Variants in MIA3 observed in about 807,000 individuals in gnomAD.
MIA3 encodes MIA SH3 domain ER export factor 3.
A neutral mutation model predicts 192.4 loss-of-function variants in MIA3; 90 were observed. The observed-to-expected ratio is 0.47, with a 90% CI of 0.39 to 0.56. The LOEUF is 0.56. Among genes scored for constraint, MIA3 ranks in the 20% least tolerant of loss-of-function variants. MIA3 has a pLI of 0.00. For missense variants in MIA3, 2,123 were observed against 2,269.4 expected, an observed-to-expected ratio of 0.94 and a Z score of 1.31; for synonymous variants, 740 against 792.8, an observed-to-expected ratio of 0.93 and a Z score of 1.12.
At chr1:222,619,488 G>C (rs936495706) in intron 1 of MIA3, among the ~76,000 whole-genome samples, 1 of 152,232 alleles carries the variant, frequency 6.6e-6, no homozygotes, top group Non-Finnish European at 1.5e-5. Flanking sequence ...GATCTCTAAT[G>C]AGTGTGAAGC....
rs549298645 is a variant in MIA3, at chr1:222,625,946, C to T, written c.354+1092C>T. Among the ~76,000 whole-genome samples, 4 of 152,190 alleles carry T rather than the reference C, an allele frequency of 2.6e-5. No individual in the cohort carries two copies. The South Asian group carries it at 8.3e-4, about 32-fold the overall frequency. ...TAGGAACGAGGTTTCACCGTGTTGG[C>T]CAGGCTGGTCTCAAACTCCTGACCT... is the stretch of plus-strand genomic sequence containing the variant. On this transcript the variant is annotated intron_variant, in intron 3 of 27. Transcript: ENST00000344922.
rs2124903591 is a variant in MIA3 at position 222,650,722 on chromosome 1, C to T, written c.3798+11C>T. 1.3e-6 allele frequency: 2 copies of T among 1,578,938 alleles called. No homozygotes were observed. Among genetic ancestry groups the T allele is most frequent in the Middle Eastern group, 3.4e-4 (2 of 5,918 alleles). On this transcript the variant is annotated intron_variant, in intron 10 of 27. Coordinates refer to ENST00000344922, the MANE Select transcript of MIA3 (RefSeq NM_198551.4). ...GCAATTAAATATAAGGTAAAAACTTCTTTTGGGGATTACATTTTAAAACAA... is the reference window on the plus strand; with the variant it reads ...GCAATTAAATATAAGGTAAAAACTTTTTTTGGGGATTACATTTTAAAACAA...
chr1:222,636,545 C>T (rs1662633909), intron 6 of MIA3, among the ~76,000 whole-genome samples: 1 of 123,520 alleles, frequency 8.1e-6, no homozygotes, highest in African/African-American at 3.0e-5. Flanking sequence ...TAGAGTCTTG[C>T]TCTGTTGCCC....
In MIA3 at chr1:222,650,991, T is replaced by C. The variant is rs1187655339; in HGVS notation, c.3909+88T>C. On this transcript the variant is annotated intron_variant, in intron 11 of 27. Transcript: ENST00000344922. ...TTGAACTCTTTATTTTCCATGCTGT[T>C]ATGTGAAGTAAGAGTGCGAGTCAGG... 3.9e-6 allele frequency: 3 copies of C among 767,984 alleles called. No individual in the cohort carries two copies. In the Admixed American group the frequency reaches 8.7e-5, roughly 22 times the overall value. 47.6% of individuals were successfully genotyped at this position (767,984 alleles called of 1,614,324 possible). A position where few individuals can be genotyped will look rare whatever the true frequency, so the allele number is the denominator to read the frequency against.
chr1:222,660,196 C>G lies in MIA3; in HGVS notation c.4995C>G (p.Gly1665=), dbSNP rs2291835. The part of the protein sequence containing the change: ...PPRRGPLSQN[G]SFGPSPVSGG... ...CTTTAGGTCCTCTGAGCCAGAATGGCTCTTTTGGCCCATCCCCTGTGAGTG... is the reference window on the plus strand; with the variant it reads ...CTTTAGGTCCTCTGAGCCAGAATGGGTCTTTTGGCCCATCCCCTGTGAGTG... The change falls in exon 24 of 28, where the codon GGC becomes GGG. Residue 1665 remains glycine (G), a synonymous_variant. Transcript: ENST00000344922. The G allele has an allele frequency of 0.17, 279,261 of 1,611,862 alleles. 25,589 individuals carry two copies. Among genetic ancestry groups the G allele is most frequent in the Middle Eastern group, 0.22 (1,312 of 6,044 alleles).
chr1:222,653,003 T>G lies in MIA3; in HGVS notation c.4087-5T>G. Reference sequence around the variant, plus strand: ...CTGTGGGAATCATGTGTTTTAACTTTGCAGTTGCAGCAGGAAATCGAAGAC... The same window carrying G: ...CTGTGGGAATCATGTGTTTTAACTTGGCAGTTGCAGCAGGAAATCGAAGAC... On this transcript the variant is annotated splice_polypyrimidine_tract_variant and splice_region_variant and intron_variant, in intron 13 of 27. Coordinates refer to ENST00000344922, the MANE Select transcript of MIA3 (RefSeq NM_198551.4). 6.2e-7 allele frequency: 1 copy of G among 1,608,976 alleles called. No individual in the cohort carries two copies. The highest frequency in any genetic ancestry group is 8.5e-7 in the Non-Finnish European group (1 of 1,176,124).
chr1:222,630,281 A>G lies in MIA3; in HGVS notation c.3061A>G (p.Ile1021Val). 6.2e-7 allele frequency: 1 copy of G among 1,614,226 alleles called. No homozygotes were observed. Among genetic ancestry groups the G allele is most frequent in the Non-Finnish European group, 8.5e-7 (1 of 1,180,024 alleles). Residue 1021 changes from isoleucine to valine, a missense_variant, in exon 4 of 28, where the codon ATT becomes GTT. By Grantham distance (29) the Ile-to-Val change is conservative. Around this residue, in one of 3 missense-constraint regions of MIA3, gnomAD observed 1,357 missense variants for 1,396.1 expected, o/e 0.97. Coordinates refer to ENST00000344922, the MANE Select transcript of MIA3 (RefSeq NM_198551.4). ...IFEEAAVLDD[I>V]QDLIYFVRYK... Reference sequence around the variant, plus strand: ...TGAAGAGGCTGCAGTGCTTGATGACATTCAAGACCTCATCTATTTTGTCAG... The same window carrying G: ...TGAAGAGGCTGCAGTGCTTGATGACGTTCAAGACCTCATCTATTTTGTCAG...
chr1:222,631,494 C>G (rs1662397203), intron 4 of MIA3, among the ~76,000 whole-genome samples: 2 of 152,150 alleles, frequency 1.3e-5, no homozygotes, highest in Admixed American at 6.5e-5. Flanking sequence ...AAACGTATTA[C>G]TCCAGAGTGC....
At chr1:222,654,152 G>T in intron 15 of MIA3, 91 bp from the exon 16 acceptor site, 1 of 1,219,602 alleles carries the variant, frequency 8.2e-7, no homozygotes, top group South Asian at 1.3e-5. Context: ...GTTTGAACAT[G>T]ACAATTGTTT....
intron 15 of MIA3, 148 bp from the exon 16 acceptor site, chr1:222,654,095 C>T (rs1170440403): frequency 1.1e-5 from 8 of 716,836 alleles, no homozygotes; most frequent in Middle Eastern, 3.9e-4. Context: ...TTGCAGTTCT[C>T]TTAAAAGTCA....
At chr1:222,635,310 G>T (rs1475793958) in intron 6 of MIA3, among the ~76,000 whole-genome samples, 2 of 152,170 alleles carry the variant, frequency 1.3e-5, no homozygotes, top group Non-Finnish European at 2.9e-5. Context: ...TTCTAGATAC[G>T]CACAGAGCCC....
Position 222,624,757 on chromosome 1 carries a change from C to A in MIA3, c.268-11C>A, listed in dbSNP as rs555852727. 9.3e-6 allele frequency: 13 copies of A among 1,395,610 alleles called. No individual in the cohort carries two copies. Among genetic ancestry groups the A allele is most frequent in the Non-Finnish European group, 1.3e-5 (13 of 984,220 alleles). The allele number at this position is 1,395,610 out of a possible 1,614,324, so 86.5% of individuals were successfully genotyped here. A position where few individuals can be genotyped will look rare whatever the true frequency, so the allele number is the denominator to read the frequency against. The stretch of plus-strand genomic sequence containing the variant: ...TTGATATGTGTCCCTTTTGCCCATT[C>A]TTTTGTGTAGGTTGGACGCACTTTT... On this transcript the variant is annotated splice_polypyrimidine_tract_variant and intron_variant, in intron 2 of 27. Coordinates refer to ENST00000344922, the MANE Select transcript of MIA3 (RefSeq NM_198551.4).
In MIA3 at chr1:222,650,393, T is replaced by C. The variant is rs201932805; in HGVS notation, c.3720+13T>C. On this transcript the variant is annotated intron_variant, in intron 9 of 27. Coordinates refer to ENST00000344922, the MANE Select transcript of MIA3 (RefSeq NM_198551.4). The stretch of plus-strand genomic sequence containing the variant: ...TTATGAACAGAAGGTATGATTATTC[T>C]TTGTTTTTTTTTTTTTTCATGGTCC... 6,838 of 1,360,140 alleles carry C rather than the reference T, an allele frequency of 5.0e-3. 37 individuals carry two copies. The highest frequency in any genetic ancestry group is 5.9e-3 in the Non-Finnish European group (5,762 of 976,884). 84.3% of individuals were successfully genotyped at this position (1,360,140 alleles called of 1,614,324 possible).
chr1:222,622,582 C>T (rs139419563), intron 2 of MIA3, among the ~76,000 whole-genome samples: 6 of 152,320 alleles, frequency 3.9e-5, no homozygotes, highest in Non-Finnish European at 7.4e-5. Context: ...TTCAGCTCTC[C>T]TATTTAGAGA....
At chr1:222,644,968 GTTTTCAAGGAAACA>G (rs1381362397) in intron 6 of MIA3, among the ~76,000 whole-genome samples, 2 of 152,144 alleles carry the variant, frequency 1.3e-5, no homozygotes, top group African/African-American at 4.8e-5. Context: ...TTAATGCACT[GTTTTCAAGGAAACA>G]TTTAGAATTA....
chr1:222,656,374 C>A (rs1324204651), intron 18 of MIA3, among the ~76,000 whole-genome samples: 1 of 152,110 alleles, frequency 6.6e-6, no homozygotes, highest in East Asian at 1.9e-4. Context: ...TCTGGAATTT[C>A]GATAGTTGTT....
rs1251000793 is a variant in MIA3, at chr1:222,667,400, A to AAGTT, written c.*1783_*1786dup. 1 of 152,214 alleles carries AAGTT rather than the reference A, an allele frequency of 6.6e-6. No homozygotes were observed. Among genetic ancestry groups the AAGTT allele is most frequent in the African/African-American group, 2.4e-5 (1 of 41,460 alleles). The allele number at this position is 152,214 out of a possible 1,614,324, so 9.4% of individuals were successfully genotyped here. On this transcript the variant is annotated 3_prime_UTR_variant, in exon 28 of 28. Coordinates refer to ENST00000344922, the MANE Select transcript of MIA3 (RefSeq NM_198551.4). The stretch of plus-strand genomic sequence containing the variant: ...CTCTTTAGGACACAAAACAATGCTG[A>AAGTT]AGTTAATATAATTTCTAATTTTAAA...
intron 6 of MIA3, chr1:222,641,397 T>C (rs1571882161): frequency 9.1e-6 from 4 of 441,646 alleles, no homozygotes; most frequent in South Asian, 7.2e-5. Flanking sequence ...CTCTGCCCCA[T>C]TTCTGCAACA....
At chr1:222,647,240 TA>T (rs1284188114) in intron 7 of MIA3, among the ~76,000 whole-genome samples, 2 of 152,236 alleles carry the variant, frequency 1.3e-5, no homozygotes, top group African/African-American at 4.8e-5. Flanking sequence ...CATGTTTGTA[TA>T]AGTGTGTATA....
Sources: allele counts gnomAD v4.1 joint callset (sites outside exome capture counted in the v4.1 genomes callset), GRCh38; gene constraint gnomAD v4.1.1; regional missense constraint gnomAD v4.1.1; transcripts MANE v1.5; gene names NCBI Gene and HGNC (gene_info 2026-07-23, HGNC 2026-07-21).